NRROS: variants seen among roughly 807,000 people sequenced by gnomAD.
NRROS encodes negative regulator of reactive oxygen species.
Under a neutral mutation model 12.0 loss-of-function variants are expected in NRROS, and 6 were observed. The ratio of observed to expected loss-of-function variants is 0.50; its 90% CI spans 0.27 to 0.98. The LOEUF (loss-of-function observed/expected upper bound fraction) is 0.98, where lower values mean the gene tolerates loss of function less well. Among genes scored for constraint, NRROS ranks in the 50% least tolerant of loss-of-function variants. The pLI is 0.11. For synonymous variants in NRROS, 462 were observed against 410.2 expected, an observed-to-expected ratio of 1.13 and a Z score of -1.53; for missense variants, 857 against 888.2, an observed-to-expected ratio of 0.96 and a Z score of 0.45.
chr3:196,647,851 G>A (rs1262818235), intron 1 of NRROS, among the ~76,000 whole-genome samples: 1 of 152,120 alleles, frequency 6.6e-6, no homozygotes, highest in Non-Finnish European at 1.5e-5. Context: ...GAGCCACTGC[G>A]CCCAGCCACC....
intron 1 of NRROS, among the ~76,000 whole-genome samples, chr3:196,649,929 G>A (rs913316319): frequency 1.3e-5 from 2 of 152,092 alleles, no homozygotes; most frequent in Non-Finnish European, 2.9e-5. Flanking sequence ...CCCTTTAGCG[G>A]AGAGGGTCCG....
At position 196,660,357 on chromosome 3, in the gene NRROS, G is replaced by A; in HGVS notation, c.714G>A (p.Leu238=). Residue 238 remains leucine, a synonymous_variant, in exon 3 of 3, where the codon CTG becomes CTA. Coordinates refer to ENST00000328557, the MANE Select transcript of NRROS (RefSeq NM_198565.3). The surrounding 1 kb of genome is among the most constrained non-coding windows in gnomAD (Gnocchi z 7.7). ...LRVLNVSYNV[L]EWFLATGGEA... is the part of the protein sequence containing the mutation. Reference sequence around the variant, plus strand: ...TCCTCAACGTCAGCTACAACGTCCTGGAGTGGTTCCTCGCGACCGGGGGAG... The same window carrying A: ...TCCTCAACGTCAGCTACAACGTCCTAGAGTGGTTCCTCGCGACCGGGGGAG... The A allele has an allele frequency of 6.2e-7, 1 of 1,614,096 alleles. No homozygotes were observed. Among genetic ancestry groups the A allele is most frequent in the Non-Finnish European group, 8.5e-7 (1 of 1,180,018 alleles).
Position 196,654,447 on chromosome 3 carries a change from T to A in NRROS, c.-13-80T>A. ...CTCCAAGACCACATAGAATTGGAAC[T>A]GGCTCCTTCTGCCGATAATACAAAC... On this transcript the variant is annotated intron_variant, in intron 1 of 2. Transcript: ENST00000328557. This position sits in a 1 kb window ranked among gnomAD's most constrained non-coding sequence, Gnocchi z 4.4. 1.2e-6 allele frequency: 1 copy of A among 838,988 alleles called. No individual in the cohort carries two copies. The highest frequency in any genetic ancestry group is 1.7e-5 in the Admixed American group (1 of 57,196). 52.0% of individuals were successfully genotyped at this position (838,988 alleles called of 1,614,324 possible). A position where few individuals can be genotyped will look rare whatever the true frequency, so the allele number is the denominator to read the frequency against.
rs80329620 is a variant in NRROS at position 196,652,676 on chromosome 3, T to C, written c.-13-1851T>C. Among the ~76,000 whole-genome samples the C allele has an allele frequency of 8.5e-3, 1,295 of 152,292 alleles. 18 individuals carry two copies. Among genetic ancestry groups the C allele is most frequent in the African/African-American group, 0.029 (1,225 of 41,550 alleles). On this transcript the variant is annotated intron_variant, in intron 1 of 2. Transcript: ENST00000328557. ...GCAAAATTCTTGATGACCCATAAATTAAAATGCCCCTCCTGAGTGTGACAC... is the reference window on the plus strand; with the variant it reads ...GCAAAATTCTTGATGACCCATAAATCAAAATGCCCCTCCTGAGTGTGACAC...
intron 1 of NRROS, among the ~76,000 whole-genome samples, chr3:196,647,771 C>T (rs1217337141): frequency 6.6e-6 from 1 of 152,212 alleles, no homozygotes; most frequent in Non-Finnish European, 1.5e-5. Context: ...GTTGGTCAGG[C>T]TGGTCTCAAA....
intron 1 of NRROS, among the ~76,000 whole-genome samples, chr3:196,650,108 A>G (rs990592328): frequency 2.0e-5 from 3 of 152,130 alleles, no homozygotes; most frequent in African/African-American, 4.8e-5. Context: ...ATCCTTTTCT[A>G]AAAACAAAAC....
At chr3:196,647,135 T>A (rs1737328451) in intron 1 of NRROS, among the ~76,000 whole-genome samples, 1 of 152,204 alleles carries the variant, frequency 6.6e-6, no homozygotes, top group African/African-American at 2.4e-5. Flanking sequence ...TTTATTATTC[T>A]TACTAATGTT....
At chr3:196,659,207 G>T (rs557883602) in intron 2 of NRROS, among the ~76,000 whole-genome samples, 1 of 151,310 alleles carries the variant, frequency 6.6e-6, no homozygotes, top group Admixed American at 6.6e-5. Context: ...CTGGGCTCCA[G>T]TCCCGGCACA....
chr3:196,652,825 T>C (rs7628797), intron 1 of NRROS, among the ~76,000 whole-genome samples: 2,326 of 151,928 alleles, frequency 0.015, 70 homozygotes, highest in African/African-American at 0.054. Context: ...GAGACTGGAG[T>C]CACAGCAGCA....
At position 196,652,043 on chromosome 3, in the gene NRROS, T is replaced by C. The variant is rs984288462; in HGVS notation, c.-13-2484T>C. On this transcript the variant is annotated intron_variant, in intron 1 of 2. Coordinates refer to ENST00000328557, the MANE Select transcript of NRROS (RefSeq NM_198565.3). Reference sequence around the variant, plus strand: ...TTCAGAAGTCAGAGCCCTGCCACACTGAGGAGGGCAGGGAAGGGGAAGGCG... The same window carrying C: ...TTCAGAAGTCAGAGCCCTGCCACACCGAGGAGGGCAGGGAAGGGGAAGGCG... Among the ~76,000 whole-genome samples, 5 of 152,286 alleles carry C rather than the reference T, an allele frequency of 3.3e-5. No homozygotes were observed. The South Asian group carries it at 1.0e-3, about 32-fold the overall frequency.
intron 1 of NRROS, among the ~76,000 whole-genome samples, chr3:196,649,692 C>T (rs568279254): frequency 4.6e-5 from 7 of 152,264 alleles, no homozygotes; most frequent in South Asian, 2.1e-4. Flanking sequence ...AGGATGGTCT[C>T]GATCTCCTGA....
intron 1 of NRROS, among the ~76,000 whole-genome samples, chr3:196,651,690 C>G (rs185231969): frequency 6.6e-6 from 1 of 152,050 alleles, no homozygotes; most frequent in African/African-American, 2.4e-5. Context: ...TTGTTGAACC[C>G]GGGAGGTGGA....
At chr3:196,647,307 C>T (rs2108636910) in intron 1 of NRROS, among the ~76,000 whole-genome samples, 1 of 152,290 alleles carries the variant, frequency 6.6e-6, no homozygotes, top group South Asian at 2.1e-4. Flanking sequence ...TTCTGTTCTA[C>T]CTGCAGGGTG....
intron 1 of NRROS, among the ~76,000 whole-genome samples, chr3:196,644,929 A>G (rs190685952): frequency 6.6e-6 from 1 of 152,088 alleles, no homozygotes; most frequent in Non-Finnish European, 1.5e-5. Context: ...TAACTACTGC[A>G]CTCCAGCCTG....
intron 2 of NRROS, among the ~76,000 whole-genome samples, chr3:196,656,912 A>G (rs1737546768): frequency 6.6e-6 from 1 of 152,086 alleles, no homozygotes; most frequent in South Asian, 2.1e-4. Context: ...CTTATTAGAA[A>G]GTGGACGTTG....
At chr3:196,644,468 C>T (rs541724078) in intron 1 of NRROS, among the ~76,000 whole-genome samples, 1 of 151,858 alleles carries the variant, frequency 6.6e-6, no homozygotes, top group South Asian at 2.1e-4. Context: ...ATATCAATGA[C>T]TGCAATGTAC....
rs774789481 is a variant in NRROS, at chr3:196,660,204, T to G, written c.561T>G (p.Asp187Glu). ...FEGLERLREL[D>E]LQRNYIFEIE... ...GCCTGGAGCGTCTCCGGGAGCTGGA[T>G]CTGCAGAGGAACTACATCTTCGAGA... Residue 187 changes from aspartate to glutamate, a missense_variant, in exon 3 of 3, where the codon GAT becomes GAG. Coordinates refer to ENST00000328557, the MANE Select transcript of NRROS (RefSeq NM_198565.3). This position sits in a 1 kb window ranked among gnomAD's most constrained non-coding sequence, Gnocchi z 7.7. The G allele has an allele frequency of 1.2e-6, 2 of 1,613,242 alleles. No homozygotes were observed. Among genetic ancestry groups the G allele is most frequent in the Admixed American group, 1.7e-5 (1 of 59,996 alleles).
intron 1 of NRROS, among the ~76,000 whole-genome samples, chr3:196,653,452 C>T (rs936824075): frequency 1.3e-5 from 2 of 152,202 alleles, no homozygotes; most frequent in Non-Finnish European, 2.9e-5. Flanking sequence ...GAGCTGGTGC[C>T]GCTGGCCCAG....
At position 196,647,314 on chromosome 3, in the gene NRROS, G is replaced by T. The variant is rs368558923; in HGVS notation, c.-13-7213G>T. 4.6e-5 allele frequency among the ~76,000 whole-genome samples: 7 copies of T among 152,242 alleles called. No individual in the cohort carries two copies. The South Asian group carries it at 1.5e-3, about 32-fold the overall frequency. On this transcript the variant is annotated intron_variant, in intron 1 of 2. Transcript: ENST00000328557. ...TGCCAATTTTCTGTTCTACCTGCAG[G>T]GTGTGAGACAGTTCTTAGGGGGGGA... is the stretch of plus-strand genomic sequence containing the variant.
Sources: allele counts gnomAD v4.1 joint callset (sites outside exome capture counted in the v4.1 genomes callset), GRCh38; gene constraint gnomAD v4.1.1; non-coding constraint Gnocchi (gnomAD v3.1); transcripts MANE v1.5; gene names NCBI Gene and HGNC (gene_info 2026-07-23, HGNC 2026-07-21).